Variants in CTNNA2 observed in about 807,000 individuals in gnomAD.
CTNNA2 encodes catenin alpha 2.
Under a neutral mutation model 101.0 loss-of-function variants are expected in CTNNA2, and 42 were observed. That is an observed-to-expected ratio of 0.42 (90% CI 0.32 to 0.54). The LOEUF is 0.54. CTNNA2 is among the 20% of genes least tolerant of loss of function. The pLI, the probability that CTNNA2 is intolerant of heterozygous loss-of-function variation, is 0.14. For synonymous variants in CTNNA2, 450 were observed against 456.4 expected, an observed-to-expected ratio of 0.99 and a Z score of 0.18; for missense variants, 871 against 1,223.1, an observed-to-expected ratio of 0.71 and a Z score of 4.29.
rs67079601 is a variant in CTNNA2, at chr2:79,408,290, T to TTTATTATTA, written c.-135+34297_-135+34305dup. Reference sequence around the variant, plus strand: ...TTTCACAGAGAACATAAAGAATAAATTTATTATTATTATTATTATTATTAT... The same window carrying TTTATTATTA: ...TTTCACAGAGAACATAAAGAATAAATTTATTATTATTATTATTATTATTATTATTATTAT... On this transcript the variant is annotated intron_variant, in intron 4 of 21. Coordinates refer to the CTNNA2 transcript ENST00000466387. Among the ~76,000 whole-genome samples, 16 of 147,766 alleles carry TTTATTATTA rather than the reference T, an allele frequency of 1.1e-4. 1 individual carries two copies. Among genetic ancestry groups the TTTATTATTA allele is most frequent in the African/African-American group, 3.5e-4 (14 of 39,964 alleles).
In CTNNA2 at chr2:79,870,842, G is replaced by A. The variant is rs116175681; in HGVS notation, c.585+907G>A. 9.9e-3 allele frequency among the ~76,000 whole-genome samples: 1,507 copies of A among 152,134 alleles called. 30 individuals carry two copies. Among genetic ancestry groups the A allele is most frequent in the African/African-American group, 0.034 (1,428 of 41,508 alleles). On this transcript the variant is annotated intron_variant, in intron 5 of 18. Transcript: ENST00000402739. The stretch of plus-strand genomic sequence containing the variant: ...ATGGAGGAACCACCCCTATGATCCA[G>A]TCACCTCCCTTCCTCGACACATGGG...
At chr2:79,418,487 G>A (rs532276436) in intron 4 of CTNNA2, among the ~76,000 whole-genome samples, 4 of 152,066 alleles carry the variant, frequency 2.6e-5, no homozygotes, top group Non-Finnish European at 4.4e-5. Context: ...ATCCTTTCAC[G>A]CTATAATTTT....
At chr2:79,518,748 C>G (rs927378571) in intron 1 of CTNNA2, among the ~76,000 whole-genome samples, 4 of 152,202 alleles carry the variant, frequency 2.6e-5, no homozygotes, top group Non-Finnish European at 4.4e-5. Context: ...AGCAATGTCC[C>G]TTAACTACTT....
At chr2:79,429,425 T>C (rs1678627377) in intron 4 of CTNNA2, among the ~76,000 whole-genome samples, 2 of 152,168 alleles carry the variant, frequency 1.3e-5, no homozygotes, top group East Asian at 3.9e-4. Context: ...TGCAGTCAGC[T>C]CAGTGCTGAT....
intron 7 of CTNNA2, among the ~76,000 whole-genome samples, chr2:79,974,854 C>T (rs999090950): frequency 2.6e-5 from 4 of 151,958 alleles, no homozygotes; most frequent in African/African-American, 4.8e-5. Flanking sequence ...TCAGACGAAG[C>T]GTAGGAGGGG....
Position 79,294,824 on chromosome 2 carries a change from CTA to C in CTNNA2, c.-405-17883_-405-17882del, listed in dbSNP as rs200690132. On this transcript the variant is annotated intron_variant, in intron 2 of 21. Transcript: ENST00000466387. Reference sequence around the variant, plus strand: ...TATAATATCATAATTCTATGTGTGACTATTCTGTAATTTATTATCTATTGTGT... The same window carrying C: ...TATAATATCATAATTCTATGTGTGACTTCTGTAATTTATTATCTATTGTGT... Among the ~76,000 whole-genome samples, 392 of 152,168 alleles carry C rather than the reference CTA, an allele frequency of 2.6e-3. 9 individuals are homozygous for C. In the East Asian group the frequency reaches 0.063, roughly 24 times the overall value.
chr2:80,389,840 C>T (rs537603188), intron 7 of CTNNA2, among the ~76,000 whole-genome samples: 1 of 152,274 alleles, frequency 6.6e-6, no homozygotes, highest in East Asian at 1.9e-4. Context: ...GAGTCAACTT[C>T]ATTTCTGAAT....
chr2:79,884,921 T>G (rs753889426), intron 6 of CTNNA2, among the ~76,000 whole-genome samples: 3 of 151,960 alleles, frequency 2.0e-5, no homozygotes, highest in Non-Finnish European at 4.4e-5. Context: ...AGGCTAACTG[T>G]GAGGATAAAA....
intron 7 of CTNNA2, among the ~76,000 whole-genome samples, chr2:80,004,130 C>T (rs1693164614): frequency 6.6e-6 from 1 of 152,140 alleles, no homozygotes; most frequent in Non-Finnish European, 1.5e-5. Flanking sequence ...CAAGACTTTT[C>T]AGAACCTTTA....
intron 2 of CTNNA2, among the ~76,000 whole-genome samples, chr2:79,211,822 C>T (rs1398135257): frequency 6.6e-6 from 1 of 152,002 alleles, no homozygotes; most frequent in Non-Finnish European, 1.5e-5. Context: ...GGGATGGCAA[C>T]AATTTTGGGG....
In CTNNA2 at chr2:80,648,764, AAC is replaced by A. The variant is rs1262918554; in HGVS notation, c.*896_*897del. Reference sequence around the variant, plus strand: ...TGTATTCACTAACTAACTCAAAATAAACACATTTAATCTTGACATCTCAAGTA... The same window carrying A: ...TGTATTCACTAACTAACTCAAAATAAACATTTAATCTTGACATCTCAAGTA... On this transcript the variant is annotated 3_prime_UTR_variant, in exon 19 of 19. Transcript: ENST00000402739. 1 of 152,068 alleles carries A rather than the reference AAC, an allele frequency of 6.6e-6. No homozygotes were observed. Among genetic ancestry groups the A allele is most frequent in the Non-Finnish European group, 1.5e-5 (1 of 68,012 alleles). The allele number at this position is 152,068 out of a possible 1,614,324, so 9.4% of individuals were successfully genotyped here.
At chr2:79,652,940 G>C (rs1441774162) in intron 2 of CTNNA2, among the ~76,000 whole-genome samples, 4 of 152,118 alleles carry the variant, frequency 2.6e-5, no homozygotes, top group Non-Finnish European at 5.9e-5. Flanking sequence ...AATTAGATAT[G>C]GCTGAGGATC....
At chr2:79,591,575 G>A (rs1397047376) in intron 1 of CTNNA2, among the ~76,000 whole-genome samples, 10 of 152,188 alleles carry the variant, frequency 6.6e-5, no homozygotes. Flanking sequence ...CTTACATGGA[G>A]TCCCTTCACA....
intron 2 of CTNNA2, among the ~76,000 whole-genome samples, chr2:79,213,395 G>C (rs922531567): frequency 6.6e-6 from 1 of 152,154 alleles, no homozygotes; most frequent in African/African-American, 2.4e-5. Flanking sequence ...GGATATGGAA[G>C]GCATATTTAG....
Position 80,250,202 on chromosome 2 carries a change from A to AGT in CTNNA2, c.1057-143008_1057-143007insTG, listed in dbSNP as rs1344701609. On this transcript the variant is annotated intron_variant, in intron 7 of 18. Coordinates refer to ENST00000402739, the MANE Select transcript of CTNNA2 (RefSeq NM_001282597.3). The stretch of plus-strand genomic sequence containing the variant: ...TGGGGGGAGAGAGAGAGAGAGAGAG[A>AGT]GAGTGTGTGTGTGTGTGTGTGTGTG... 2.7e-3 allele frequency among the ~76,000 whole-genome samples: 383 copies of AGT among 142,248 alleles called. 3 individuals carry two copies. Among genetic ancestry groups the AGT allele is most frequent in the Middle Eastern group, 3.4e-3 (1 of 290 alleles). 93.3% of individuals were successfully genotyped at this position (142,248 alleles called of 152,430 possible). A position where few individuals can be genotyped will look rare whatever the true frequency, so the allele number is the denominator to read the frequency against.
At chr2:80,498,278 A>G (rs1687621708) in intron 9 of CTNNA2, among the ~76,000 whole-genome samples, 1 of 152,198 alleles carries the variant, frequency 6.6e-6, no homozygotes, top group African/African-American at 2.4e-5. Context: ...CATGGCCTAC[A>G]TGACTTTCTA....
intron 1 of CTNNA2, among the ~76,000 whole-genome samples, chr2:79,559,021 T>A (rs986654702): frequency 1.3e-5 from 2 of 151,892 alleles, no homozygotes; most frequent in African/African-American, 4.8e-5. Flanking sequence ...TTTTATTTTA[T>A]CCTCGGTTTT....
chr2:80,352,704 A>G (rs1035646032), intron 7 of CTNNA2, among the ~76,000 whole-genome samples: 4 of 152,138 alleles, frequency 2.6e-5, no homozygotes, highest in Non-Finnish European at 2.9e-5. Context: ...ATTTCTTGAA[A>G]TGATAGTCAA....
intron 2 of CTNNA2, among the ~76,000 whole-genome samples, chr2:79,248,590 C>G (rs889585520): frequency 9.2e-5 from 14 of 152,068 alleles, no homozygotes; most frequent in Non-Finnish European, 7.4e-5. Flanking sequence ...GGTCCTGCCC[C>G]GTAGTCTGTG....
Sources: allele counts gnomAD v4.1 joint callset (sites outside exome capture counted in the v4.1 genomes callset), GRCh38; gene constraint gnomAD v4.1.1; transcripts MANE v1.5; gene names NCBI Gene and HGNC (gene_info 2026-07-23, HGNC 2026-07-21).